The following ZNF496 variants were observed in gnomAD, a reference collection of about 807,000 sequenced individuals.
The protein encoded by ZNF496 is NSD1 (nuclear receptor binding SET-domain containing 1)-interacting zinc finger protein 1.
A neutral mutation model predicts 58.9 loss-of-function variants in ZNF496; 11 were observed. The observed-to-expected ratio is 0.19, with a 90% CI of 0.12 to 0.31. ZNF496 has a LOEUF of 0.31. Ranked by LOEUF, ZNF496 falls within the 10% of genes least tolerant of loss-of-function variation. ZNF496 has a pLI of 1.00. For missense variants in ZNF496, 660 were observed against 783.0 expected, an observed-to-expected ratio of 0.84 and a Z score of 1.88; for synonymous variants, 338 against 318.2, an observed-to-expected ratio of 1.06 and a Z score of -0.66.
At position 247,329,588 on chromosome 1, in the gene ZNF496, T is replaced by C; in HGVS notation, c.-10A>G. The C allele has an allele frequency of 3.9e-6, 6 of 1,537,668 alleles. No individual in the cohort carries two copies. The highest frequency in any genetic ancestry group is 5.2e-6 in the Non-Finnish European group (6 of 1,147,934). On this transcript the variant is annotated 5_prime_UTR_variant, in exon 4 of 10. Coordinates refer to ENST00000682384, the MANE Select transcript of ZNF496 (RefSeq NM_032752.3). This position sits in a 1 kb window ranked among gnomAD's most constrained non-coding sequence, Gnocchi z 5.5. ...ACAGGGCTGTGGGCATGATGGGATT[T>C]GATGGGGGTCAGCAGCAGAAGACGA...
chr1:247,313,593 A>G (rs1659676440), intron 6 of ZNF496: 1 of 152,198 alleles, frequency 6.6e-6, no homozygotes, highest in Admixed American at 6.5e-5. Context: ...CTCGCCCCTC[A>G]ATGCAGAGAT....
chr1:247,302,074 C>T (rs760772095), intron 9 of ZNF496, among the ~76,000 whole-genome samples: 3 of 152,072 alleles, frequency 2.0e-5, no homozygotes, highest in Non-Finnish European at 2.9e-5. Context: ...AGAGCCCGGC[C>T]TGAGGTCCCG....
intron 9 of ZNF496, chr1:247,307,072 A>G: frequency 2.0e-6 from 2 of 984,654 alleles, no homozygotes; most frequent in Non-Finnish European, 2.4e-6. Context: ...GAACACAATA[A>G]ACAAGAAAAG....
chr1:247,310,348 C>T lies in ZNF496; in HGVS notation c.760G>A (p.Asp254Asn). ...CTTGGAGGCATTGAGACCCCGTAATCCTCCCCAATGATGAACTCTCCATAG... is the reference window on the plus strand; with the variant it reads ...CTTGGAGGCATTGAGACCCCGTAATTCTCCCCAATGATGAACTCTCCATAG... The part of the protein sequence containing the change: ...GFYGEFIIGE[D>N]YGVSMPPNDL... Residue 254 changes from aspartate to asparagine, a missense_variant, in exon 7 of 10, where the codon GAT becomes AAT. Asp to Asn is a conservative substitution (Grantham distance 23). Coordinates refer to ENST00000682384, the MANE Select transcript of ZNF496 (RefSeq NM_032752.3). 1 of 1,614,174 alleles carries T rather than the reference C, an allele frequency of 6.2e-7. No individual in the cohort carries two copies. Among genetic ancestry groups the T allele is most frequent in the Non-Finnish European group, 8.5e-7 (1 of 1,180,026 alleles).
In ZNF496 at chr1:247,300,690, G is replaced by A. The variant is rs754433165; in HGVS notation, c.1593C>T (p.Phe531=). ...GCCGAGCCAGGTGGTCGTGCCGCTG[G>A]AAGGCCTTCCCACACTCACAGCACT... ...SFQCCECGKA[F]QRHDHLARHR... Residue 531 remains phenylalanine (F), a synonymous_variant, in exon 10 of 10, where the codon TTC becomes TTT. Transcript: ENST00000682384. This position sits in a 1 kb window ranked among gnomAD's most constrained non-coding sequence, Gnocchi z 5.7. The A allele has an allele frequency of 3.1e-6, 5 of 1,614,074 alleles. No individual in the cohort carries two copies. Among genetic ancestry groups the A allele is most frequent in the Non-Finnish European group, 4.2e-6 (5 of 1,180,032 alleles).
rs758755445 is a variant in ZNF496 at position 247,308,500 on chromosome 1, C to T, written c.981G>A (p.Thr327=). Residue 327 remains threonine (T), a synonymous_variant, in exon 9 of 10, where the codon ACG becomes ACA. Coordinates refer to ENST00000682384, the MANE Select transcript of ZNF496 (RefSeq NM_032752.3). The surrounding 1 kb of genome is among the most constrained non-coding windows in gnomAD (Gnocchi z 4.5). ...QVPEFQACPQ[T]VVPQNTYPAG... is the part of the protein sequence containing the mutation. ...CTGGGTAGGTGTTTTGAGGCACCACCGTCTGTGGGCAGGCCTGGAACTCTG... is the reference window on the plus strand; with the variant it reads ...CTGGGTAGGTGTTTTGAGGCACCACTGTCTGTGGGCAGGCCTGGAACTCTG... 59 of 1,614,146 alleles carry T rather than the reference C, an allele frequency of 3.7e-5. No individual in the cohort carries two copies. Among genetic ancestry groups the T allele is most frequent in the South Asian group, 3.6e-4 (33 of 91,086 alleles).
chr1:247,313,638 G>C (rs1045521894), intron 6 of ZNF496: 1 of 152,184 alleles, frequency 6.6e-6, no homozygotes, highest in Non-Finnish European at 1.5e-5. Flanking sequence ...TTACCAACAT[G>C]CCCACCCTTC....
At chr1:247,310,701 G>T in intron 6 of ZNF496, 3 of 463,580 alleles carry the variant, frequency 6.5e-6, no homozygotes, top group Middle Eastern at 5.8e-4. Flanking sequence ...GATGGAGAGG[G>T]CAAGGGAGTT....
At chr1:247,324,862 G>A (rs1660074197) in intron 5 of ZNF496, among the ~76,000 whole-genome samples, 1 of 152,130 alleles carries the variant, frequency 6.6e-6, no homozygotes, top group South Asian at 2.1e-4. Context: ...TGTGGCTTTG[G>A]GACCATCTCA....
intron 6 of ZNF496, among the ~76,000 whole-genome samples, chr1:247,315,920 A>ATCTGCTGC (rs1050227416): frequency 2.6e-5 from 4 of 152,098 alleles, no homozygotes; most frequent in Non-Finnish European, 4.4e-5. Flanking sequence ...CCCTAAGTGG[A>ATCTGCTGC]TCTGCTGCTC....
At chr1:247,327,310 C>T (rs1026237760) in intron 5 of ZNF496, among the ~76,000 whole-genome samples, 20 of 152,296 alleles carry the variant, frequency 1.3e-4, no homozygotes, top group East Asian at 9.7e-4. Flanking sequence ...GTGATCCGCC[C>T]GCCTTGGCCT....
chr1:247,317,593 G>T (rs1349669799), intron 6 of ZNF496, among the ~76,000 whole-genome samples: 2 of 151,848 alleles, frequency 1.3e-5, no homozygotes, highest in Admixed American at 1.3e-4. Flanking sequence ...CACCAGTGGA[G>T]ACCATGTAGG....
chr1:247,308,364 C>CA lies in ZNF496; in HGVS notation c.1006+110dup. On this transcript the variant is annotated intron_variant, in intron 9 of 9. Coordinates refer to ENST00000682384, the MANE Select transcript of ZNF496 (RefSeq NM_032752.3). This position sits in a 1 kb window ranked among gnomAD's most constrained non-coding sequence, Gnocchi z 4.5. Reference sequence around the variant, plus strand: ...CACATATACCACATGTGTATGCACGCACACATGCATTCAACACAACCATCC... The same window carrying CA: ...CACATATACCACATGTGTATGCACGCAACACATGCATTCAACACAACCATCC... 1.1e-6 allele frequency: 1 copy of CA among 946,520 alleles called. No homozygotes were observed. Among genetic ancestry groups the CA allele is most frequent in the East Asian group, 2.4e-5 (1 of 41,550 alleles). The allele number at this position is 946,520 out of a possible 1,614,324, so 58.6% of individuals were successfully genotyped here.
intron 9 of ZNF496, among the ~76,000 whole-genome samples, chr1:247,306,495 C>T (rs1285857190): frequency 2.0e-5 from 2 of 102,162 alleles, no homozygotes; most frequent in African/African-American, 6.5e-5. Context: ...CTGCACCTGG[C>T]CGTTTTTTTT....
intron 7 of ZNF496, chr1:247,310,032 CAT>C: frequency 7.0e-7 from 1 of 1,426,490 alleles, no homozygotes; most frequent in Non-Finnish European, 9.1e-7. Flanking sequence ...GTAAAGCAGA[CAT>C]AAAGGGACAA....
At chr1:247,301,726 C>T (rs1659245459) in intron 9 of ZNF496, among the ~76,000 whole-genome samples, 1 of 152,224 alleles carries the variant, frequency 6.6e-6, no homozygotes, top group Non-Finnish European at 1.5e-5. Context: ...ATATCATGTG[C>T]TGGGCACTTG....
chr1:247,308,436 A>C lies in ZNF496; in HGVS notation c.1006+39T>G. The C allele has an allele frequency of 6.3e-7, 1 of 1,575,158 alleles. No individual in the cohort carries two copies. The highest frequency in any genetic ancestry group is 8.7e-7 in the Non-Finnish European group (1 of 1,145,034). The stretch of plus-strand genomic sequence containing the variant: ...TACATTCATGCGACACACCACAGAC[A>C]CACAGGGACAAACCCATACCTCCCT... On this transcript the variant is annotated intron_variant, in intron 9 of 9. Coordinates refer to ENST00000682384, the MANE Select transcript of ZNF496 (RefSeq NM_032752.3). This position sits in a 1 kb window ranked among gnomAD's most constrained non-coding sequence, Gnocchi z 4.5.
Position 247,329,424 on chromosome 1 carries a change from T to C in ZNF496, c.155A>G (p.Glu52Gly). ...RRLFRRFRYQ[E>G]AAGPREALQR... Reference sequence around the variant, plus strand: ...CAGGGCCTCCCGGGGGCCCGCCGCCTCCTGGTAGCGGAAACGGCGGAAGAG... The same window carrying C: ...CAGGGCCTCCCGGGGGCCCGCCGCCCCCTGGTAGCGGAAACGGCGGAAGAG... The change falls in exon 4 of 10, where the codon GAG (glutamate) becomes GGG (glycine). Residue 52 changes from glutamate to glycine, a missense_variant. Coordinates refer to ENST00000682384, the MANE Select transcript of ZNF496 (RefSeq NM_032752.3). The surrounding 1 kb of genome is among the most constrained non-coding windows in gnomAD (Gnocchi z 5.5). 6.2e-7 allele frequency: 1 copy of C among 1,613,018 alleles called. No homozygotes were observed. The highest frequency in any genetic ancestry group is 8.5e-7 in the Non-Finnish European group (1 of 1,179,682).
At chr1:247,330,836 A>G (rs1355083711) in intron 2 of ZNF496, among the ~76,000 whole-genome samples, 2 of 152,276 alleles carry the variant, frequency 1.3e-5, no homozygotes, top group Non-Finnish European at 2.9e-5. Context: ...TCACAGAAAG[A>G]CAAGTGATGC....
Sources: gnomAD v4.1 joint callset for allele counts (sites outside exome capture counted in the v4.1 genomes callset) on GRCh38, gnomAD v4.1.1 for gene constraint, Gnocchi (gnomAD v3.1) non-coding constraint, MANE v1.5 for transcripts, NCBI Gene and HGNC (gene_info 2026-07-23, HGNC 2026-07-21) for gene names.